The following SGK1 variants were observed in gnomAD, a reference collection of about 807,000 sequenced individuals.
SGK1 encodes serine/threonine-protein kinase Sgk1.
A neutral mutation model predicts 64.2 loss-of-function variants in SGK1; 26 were observed. That is an observed-to-expected ratio of 0.40 (90% CI 0.30 to 0.56). The LOEUF (loss-of-function observed/expected upper bound fraction) is 0.56. Among genes scored for constraint, SGK1 ranks in the 20% least tolerant of loss-of-function variants. The pLI is 0.38. For synonymous variants in SGK1, 265 were observed against 239.7 expected (o/e 1.11, Z -0.98); for missense variants, 519 against 645.6 (o/e 0.80, Z 2.12).
chr6:134,190,430 T>C (rs1775492427), intron 3 of SGK1, among the ~76,000 whole-genome samples: 1 of 151,896 alleles, frequency 6.6e-6, no homozygotes, highest in Non-Finnish European at 1.5e-5. Flanking sequence ...GGATTACAGG[T>C]GCACACCACC....
At chr6:134,317,184 C>T (rs1041284217) in intron 1 of SGK1, among the ~76,000 whole-genome samples, 4 of 152,130 alleles carry the variant, frequency 2.6e-5, no homozygotes, top group Non-Finnish European at 5.9e-5. Flanking sequence ...CAACCCCCTC[C>T]TCCCAATGCA....
intron 3 of SGK1, chr6:134,177,896 G>A: frequency 6.7e-7 from 1 of 1,491,520 alleles, no homozygotes; most frequent in African/African-American, 1.4e-5. Context: ...TTTAAGTACA[G>A]GAAGGGAGCA....
chr6:134,175,446 AC>A, intron 3 of SGK1: 65 of 1,304,404 alleles, frequency 5.0e-5, no homozygotes, highest in Non-Finnish European at 6.4e-5. Flanking sequence ...CGCCGCCGGG[AC>A]CCCGGCCCCG....
intron 3 of SGK1, among the ~76,000 whole-genome samples, chr6:134,190,287 C>CTTT (rs757580358): frequency 2.2e-5 from 3 of 135,554 alleles, no homozygotes; most frequent in Admixed American, 7.6e-5. Context: ...TCCTTCCTTC[C>CTTT]TTTTTTTTTT....
intron 1 of SGK1, chr6:134,298,007 G>A: frequency 1.2e-6 from 1 of 855,590 alleles, no homozygotes; most frequent in East Asian, 2.4e-5. Context: ...ACGTATCCGA[G>A]ATCTGGGACT....
intron 1 of SGK1, among the ~76,000 whole-genome samples, chr6:134,313,095 T>C (rs1057337590): frequency 1.3e-5 from 2 of 152,332 alleles, no homozygotes; most frequent in African/African-American, 4.8e-5. Flanking sequence ...TTTAAATGTG[T>C]AATGTACTTA....
At chr6:134,182,904 T>G (rs1010949247) in intron 3 of SGK1, among the ~76,000 whole-genome samples, 2 of 152,172 alleles carry the variant, frequency 1.3e-5, no homozygotes, top group Non-Finnish European at 2.9e-5. Flanking sequence ...AGACTGAAGT[T>G]TAGTGTGAAA....
intron 1 of SGK1, among the ~76,000 whole-genome samples, chr6:134,264,405 C>CTGT (rs1776818785): frequency 1.3e-5 from 2 of 152,190 alleles, no homozygotes; most frequent in South Asian, 4.2e-4. Context: ...AGGCTTGAGC[C>CTGT]ACTGCGCCTG....
At chr6:134,172,371 T>C in intron 9 of SGK1, 55 bp from the exon 10 acceptor site, 2 of 1,539,888 alleles carry the variant, frequency 1.3e-6, no homozygotes, top group South Asian at 1.2e-5. Flanking sequence ...CTTCATAAGA[T>C]ATCCTCTTAA....
At position 134,269,488 on chromosome 6, in the gene SGK1, G is replaced by A. The variant is rs1051034782; in HGVS notation, c.70-7340C>T. Among the ~76,000 whole-genome samples, 8 of 146,792 alleles carry A rather than the reference G, an allele frequency of 5.4e-5. 1 individual carries two copies. The highest frequency in any genetic ancestry group is 7.5e-5 in the Non-Finnish European group (5 of 66,332). ...AGGCTGGCCAACATGGTGAAACCCC[G>A]TTTCTACTGAAAACACAAAAATTAG... On this transcript the variant is annotated intron_variant, in intron 1 of 13. Transcript: ENST00000367858.
chr6:134,280,303 G>A (rs1206230770), intron 1 of SGK1, among the ~76,000 whole-genome samples: 1 of 151,670 alleles, frequency 6.6e-6, no homozygotes, highest in African/African-American at 2.4e-5. Flanking sequence ...ATAGTTCCTA[G>A]TACCATTTGA....
intron 2 of SGK1, 116 bp downstream of exon 2, chr6:134,261,817 G>A (rs749770877): frequency 4.0e-6 from 3 of 752,764 alleles, no homozygotes; most frequent in South Asian, 1.5e-5. Flanking sequence ...TTCCTCAGAA[G>A]CTTTATAAAT....
chr6:134,269,415 G>A (rs1175978452), intron 1 of SGK1, among the ~76,000 whole-genome samples: 1 of 147,506 alleles, frequency 6.8e-6, no homozygotes, highest in Non-Finnish European at 1.5e-5. Flanking sequence ...GGCCAGGTGA[G>A]GTGGAGGCCG....
intron 2 of SGK1, among the ~76,000 whole-genome samples, chr6:134,226,544 G>A (rs1278708432): frequency 6.6e-6 from 1 of 151,670 alleles, no homozygotes; most frequent in Non-Finnish European, 1.5e-5. Flanking sequence ...AGTACAAATA[G>A]TTAGCTAGGT....
chr6:134,306,504 G>A (rs1028666648), intron 1 of SGK1, among the ~76,000 whole-genome samples: 2 of 150,670 alleles, frequency 1.3e-5, no homozygotes, highest in Admixed American at 6.7e-5. Flanking sequence ...GAAGGGAGTT[G>A]GGGAGTGAAG....
intron 2 of SGK1, among the ~76,000 whole-genome samples, chr6:134,242,577 G>T (rs904326676): frequency 1.3e-5 from 2 of 151,660 alleles, no homozygotes; most frequent in African/African-American, 4.8e-5. Flanking sequence ...TTTACCCACA[G>T]TTGCTTTATA....
intron 1 of SGK1, among the ~76,000 whole-genome samples, chr6:134,315,142 A>C (rs1777660238): frequency 6.6e-6 from 1 of 152,200 alleles, no homozygotes; most frequent in Non-Finnish European, 1.5e-5. Flanking sequence ...AACAAACAAA[A>C]AAAGCAAAGT....
At chr6:134,278,413 A>C (rs1277007396) in intron 1 of SGK1, among the ~76,000 whole-genome samples, 1 of 152,220 alleles carries the variant, frequency 6.6e-6, no homozygotes, top group Non-Finnish European at 1.5e-5. Context: ...AATTAAATTG[A>C]AAGTGGTAAA....
intron 1 of SGK1, among the ~76,000 whole-genome samples, chr6:134,276,884 A>C (rs1322746976): frequency 1.3e-5 from 2 of 152,016 alleles, no homozygotes; most frequent in Non-Finnish European, 2.9e-5. Context: ...AAACCCCAAC[A>C]CTACAAAAAA....
Sources: allele counts gnomAD v4.1 joint callset (sites outside exome capture counted in the v4.1 genomes callset), GRCh38; gene constraint gnomAD v4.1.1; transcripts MANE v1.5; gene names NCBI Gene and HGNC (gene_info 2026-07-23, HGNC 2026-07-21).